CPQ: variants seen among roughly 807,000 people sequenced by gnomAD.
The protein encoded by CPQ is carboxypeptidase Q, also known as Ser-Met dipeptidase.
Under a neutral mutation model 45.7 loss-of-function variants are expected in CPQ, and 37 were observed. That is an observed-to-expected ratio of 0.81 (90% CI 0.62 to 1.07). CPQ has a LOEUF of 1.07. Ranked by LOEUF, CPQ falls within the 50% of genes least tolerant of loss-of-function variation. The pLI is 0.00. For synonymous variants in CPQ, 186 were observed against 205.8 expected (o/e 0.90, Z 0.82); for missense variants, 537 against 572.9 (o/e 0.94, Z 0.64).
At chr8:96,695,509 CA>C (rs1809365562) in intron 1 of CPQ, among the ~76,000 whole-genome samples, 1 of 152,032 alleles carries the variant, frequency 6.6e-6, no homozygotes. Flanking sequence ...AGGCAACCTA[CA>C]AAATGAGAGA....
Position 97,029,440 on chromosome 8 carries a change from G to A in CPQ, c.999G>A (p.Trp333Ter). ...AGAGGACTCTGCGGCTGGTGCTCTG[G>A]ACTGCAGAAGAACAAGGTGGAGTTG... is the stretch of plus-strand genomic sequence containing the variant. Reference protein sequence around the residue: ...RPKRTLRLVLWTAEEQGGVGA... With the variant: ...RPKRTLRLVL The change falls in exon 6 of 8, where the codon TGG (tryptophan) becomes TGA (stop). Residue 333 changes from tryptophan (W) to a stop codon, truncating the protein, a stop_gained. Coordinates refer to ENST00000220763, the MANE Select transcript of CPQ (RefSeq NM_016134.4). LOFTEE classifies it high-confidence loss of function. The A allele has an allele frequency of 1.2e-6, 2 of 1,609,340 alleles. No homozygotes were observed. The highest frequency in any genetic ancestry group is 1.7e-6 in the Non-Finnish European group (2 of 1,177,784).
chr8:96,917,312 A>G (rs1812746553), intron 4 of CPQ, among the ~76,000 whole-genome samples: 1 of 152,274 alleles, frequency 6.6e-6, no homozygotes, highest in East Asian at 1.9e-4. Flanking sequence ...TACTTATTCT[A>G]TAAGTACTGG....
At chr8:96,728,644 G>A (rs1026532568) in intron 1 of CPQ, among the ~76,000 whole-genome samples, 6 of 152,074 alleles carry the variant, frequency 3.9e-5, no homozygotes, top group South Asian at 2.1e-4. Context: ...TATCCAGTTG[G>A]GAAATAAAGA....
intron 6 of CPQ, among the ~76,000 whole-genome samples, chr8:97,037,551 GTCTCTCAAGCACA>G (rs1031145880): frequency 6.6e-6 from 1 of 152,096 alleles, no homozygotes; most frequent in Non-Finnish European, 1.5e-5. Context: ...TATTGCATTA[GTCTCTCAAGCACA>G]TCACAAAACT....
chr8:97,108,483 T>G (rs1185107992), intron 7 of CPQ, among the ~76,000 whole-genome samples: 1 of 152,242 alleles, frequency 6.6e-6, no homozygotes, highest in African/African-American at 2.4e-5. Flanking sequence ...AACTCCTTTC[T>G]TCTCATAAAT....
At chr8:97,034,977 C>G (rs929951840) in intron 6 of CPQ, among the ~76,000 whole-genome samples, 32 of 151,754 alleles carry the variant, frequency 2.1e-4, no homozygotes, top group African/African-American at 7.8e-4. Flanking sequence ...ACTGCAACCT[C>G]CGCCTCCCGG....
intron 1 of CPQ, among the ~76,000 whole-genome samples, chr8:96,654,780 T>C (rs1315477246): frequency 6.6e-6 from 1 of 152,246 alleles, no homozygotes; most frequent in Non-Finnish European, 1.5e-5. Context: ...GATGTTTATC[T>C]TTTTCCATCA....
At chr8:96,708,453 A>T (rs1011573454) in intron 1 of CPQ, among the ~76,000 whole-genome samples, 2 of 151,626 alleles carry the variant, frequency 1.3e-5, no homozygotes, top group African/African-American at 4.9e-5. Flanking sequence ...ATATATATAT[A>T]TATATACATT....
At chr8:96,873,830 T>C (rs1450316850) in intron 3 of CPQ, among the ~76,000 whole-genome samples, 8 of 151,854 alleles carry the variant, frequency 5.3e-5, no homozygotes. Context: ...ATTTAACCTA[T>C]AAGCTGACAC....
chr8:96,895,476 A>G (rs1586441932), intron 4 of CPQ, among the ~76,000 whole-genome samples: 2 of 152,208 alleles, frequency 1.3e-5, no homozygotes, highest in Non-Finnish European at 2.9e-5. Context: ...CCTGCAATTT[A>G]CTTAACCTGG....
rs184406743 is a variant in CPQ, at chr8:97,003,735, T to C, written c.962-25668T>C. The stretch of plus-strand genomic sequence containing the variant: ...CTGCTTGGAAGGGGCCTTTAAAATG[T>C]CACCATTCCTCACTATGCTACACCA... On this transcript the variant is annotated intron_variant, in intron 5 of 7. Transcript: ENST00000220763. Among the ~76,000 whole-genome samples the C allele has an allele frequency of 9.5e-4, 144 of 152,298 alleles. 1 individual carries two copies. The highest frequency in any genetic ancestry group is 2.0e-3 in the Admixed American group (30 of 15,292).
chr8:97,079,031 T>C (rs1325597437), intron 7 of CPQ, among the ~76,000 whole-genome samples: 2 of 152,158 alleles, frequency 1.3e-5, no homozygotes, highest in Non-Finnish European at 2.9e-5. Context: ...CTTGAATTCC[T>C]GGGCTCAAGC....
At chr8:96,679,384 A>T (rs1009035602) in intron 1 of CPQ, among the ~76,000 whole-genome samples, 1 of 151,650 alleles carries the variant, frequency 6.6e-6, no homozygotes, top group African/African-American at 2.4e-5. Context: ...TTTTCTTTTT[A>T]TTTTTTAGTG....
chr8:97,014,999 C>CT (rs1022940852), intron 5 of CPQ, among the ~76,000 whole-genome samples: 1 of 152,108 alleles, frequency 6.6e-6, no homozygotes. Context: ...AGATGCATTA[C>CT]TTTTTTATAA....
chr8:97,076,828 G>C (rs1400184146), intron 7 of CPQ, among the ~76,000 whole-genome samples: 2 of 152,070 alleles, frequency 1.3e-5, no homozygotes, highest in South Asian at 2.1e-4. Context: ...GTTGACCCTT[G>C]AACAACAGGG....
chr8:96,737,285 T>A (rs1298402616), intron 1 of CPQ, among the ~76,000 whole-genome samples: 1 of 147,392 alleles, frequency 6.8e-6, no homozygotes, highest in South Asian at 2.1e-4. Context: ...TATATATGTA[T>A]ATATACACAT....
intron 1 of CPQ, among the ~76,000 whole-genome samples, chr8:96,760,332 T>A (rs1810383321): frequency 6.6e-6 from 1 of 152,176 alleles, no homozygotes; most frequent in Non-Finnish European, 1.5e-5. Flanking sequence ...GTAAGTCTGG[T>A]ATTATCATTT....
At chr8:96,798,906 C>T (rs939227931) in intron 2 of CPQ, among the ~76,000 whole-genome samples, 4 of 152,052 alleles carry the variant, frequency 2.6e-5, no homozygotes, top group Non-Finnish European at 4.4e-5. Flanking sequence ...TCTCCTGTAG[C>T]ACTAGGCCCA....
At position 96,737,230 on chromosome 8, in the gene CPQ, T is replaced by TAC. The variant is rs377227683; in HGVS notation, c.-34-47610_-34-47609dup. On this transcript the variant is annotated intron_variant, in intron 1 of 7. Coordinates refer to ENST00000220763, the MANE Select transcript of CPQ (RefSeq NM_016134.4). The stretch of plus-strand genomic sequence containing the variant: ...TCTTAGAGGGACAGAACTAATAAGA[T>TAC]ACACACACACACACACACACACACA... 4.3e-3 allele frequency among the ~76,000 whole-genome samples: 608 copies of TAC among 142,170 alleles called. 7 individuals carry two copies. Among genetic ancestry groups the TAC allele is most frequent in the African/African-American group, 0.012 (447 of 37,746 alleles). The allele number at this position is 142,170 out of a possible 152,430, so 93.3% of individuals were successfully genotyped here. A position where few individuals can be genotyped will look rare whatever the true frequency, so the allele number is the denominator to read the frequency against.
Sources: gnomAD v4.1 joint callset for allele counts (sites outside exome capture counted in the v4.1 genomes callset) on GRCh38, gnomAD v4.1.1 for gene constraint, MANE v1.5 for transcripts, NCBI Gene and HGNC (gene_info 2026-07-23, HGNC 2026-07-21) for gene names.